The following MROH2B variants were observed in gnomAD, a reference collection of about 807,000 sequenced individuals.
MROH2B encodes the protein maestro heat-like repeat-containing protein family member 2B.
MROH2B carries 177 observed loss-of-function variants against 208.6 expected under a neutral mutation model. The ratio of observed to expected loss-of-function variants is 0.85; its 90% confidence interval spans 0.75 to 0.96. The LOEUF (loss-of-function observed/expected upper bound fraction) is 0.96, where lower values mean the gene tolerates loss of function less well. Ranked by LOEUF, MROH2B falls within the 40% of genes least tolerant of loss-of-function variation. The pLI is 0.00. For missense variants in MROH2B, 2,002 were observed against 1,878.7 expected (o/e 1.07, Z -1.21); for synonymous variants, 728 against 659.0 (o/e 1.10, Z -1.60).
At position 41,032,758 on chromosome 5, in the gene MROH2B, C is replaced by T. The variant is rs775065423; in HGVS notation, c.2425G>A (p.Ala809Thr). The change falls in exon 24 of 42, where the codon GCC (alanine) becomes ACC (threonine). Residue 809 changes from alanine to threonine, a missense_variant. Ala to Thr is a moderately conservative substitution (Grantham distance 58). Transcript: ENST00000399564. ...ASPIRWKALI[A>T]IRYLSKLKPQ... ...ATTATCTACCTGAGATACCTAATGG[C>T]GATTAAGGCTTTCCACCGAATAGGG... is the stretch of plus-strand genomic sequence containing the variant. The T allele has an allele frequency of 9.7e-5, 156 of 1,612,096 alleles. No individual in the cohort carries two copies. The highest frequency in any genetic ancestry group is 3.3e-4 in the Middle Eastern group (2 of 6,074).
At chr5:41,041,425 G>A (rs551752043) in intron 19 of MROH2B, among the ~76,000 whole-genome samples, 89 of 152,192 alleles carry the variant, frequency 5.8e-4, no homozygotes, top group African/African-American at 2.1e-3. Context: ...TCAGGAGTTC[G>A]AGACCAGCCT....
chr5:41,041,917 G>C (rs80082720), intron 19 of MROH2B, among the ~76,000 whole-genome samples, 175 bp downstream of exon 19: 7,611 of 152,196 alleles, frequency 0.05, 219 homozygotes, highest in Middle Eastern at 0.075. Flanking sequence ...ATGAAGTATT[G>C]ATTTTAAATA....
chr5:41,066,518 C>T (rs887733345), intron 3 of MROH2B, among the ~76,000 whole-genome samples: 9 of 152,198 alleles, frequency 5.9e-5, no homozygotes, highest in African/African-American at 2.2e-4. Flanking sequence ...GATAAGACAC[C>T]AAAGGGCTGT....
At chr5:41,056,566 C>A (rs890365824) in intron 9 of MROH2B, among the ~76,000 whole-genome samples, 4 of 151,878 alleles carry the variant, frequency 2.6e-5, no homozygotes, top group Non-Finnish European at 4.4e-5. Flanking sequence ...TGTATTCTGA[C>A]CCTGGGATTT....
At chr5:41,052,063 T>C (rs1056566056) in intron 12 of MROH2B, among the ~76,000 whole-genome samples, 1 of 152,208 alleles carries the variant, frequency 6.6e-6, no homozygotes, top group South Asian at 2.1e-4. Context: ...GCAGCAAGAA[T>C]TGATATCTCT....
intron 24 of MROH2B, among the ~76,000 whole-genome samples, chr5:41,021,120 A>G (rs1013363654): frequency 4.6e-5 from 7 of 152,252 alleles, no homozygotes; most frequent in Non-Finnish European, 1.0e-4. Flanking sequence ...TCAACCTACC[A>G]AAATCTGTTG....
chr5:41,013,784 C>T (rs762449327), intron 29 of MROH2B, among the ~76,000 whole-genome samples: 5 of 152,148 alleles, frequency 3.3e-5, no homozygotes, highest in South Asian at 2.1e-4. Context: ...TATTATGTGT[C>T]GGGCACCTTT....
intron 11 of MROH2B, among the ~76,000 whole-genome samples, chr5:41,054,453 T>C (rs759709036): frequency 6.6e-6 from 1 of 152,236 alleles, no homozygotes; most frequent in African/African-American, 2.4e-5. Flanking sequence ...TTAAACTATT[T>C]GAAGTGCATT....
In MROH2B at chr5:41,014,367, CA is replaced by C. The variant is rs374544169; in HGVS notation, c.2982+1013del. ...GTTCCAAACACTGCATGTTCTCACT[CA>C]TAGGTGGGAATTGAACAATGAGAAC... On this transcript the variant is annotated intron_variant, in intron 29 of 41. Coordinates refer to ENST00000399564, the MANE Select transcript of MROH2B (RefSeq NM_173489.5). 4.3e-4 allele frequency among the ~76,000 whole-genome samples: 66 copies of C among 152,158 alleles called. 1 individual carries two copies. Among genetic ancestry groups the C allele is most frequent in the African/African-American group, 1.5e-3 (62 of 41,494 alleles).
chr5:41,009,904 A>G lies in MROH2B; in HGVS notation c.3293+18T>C. 3.8e-6 allele frequency: 6 copies of G among 1,597,628 alleles called. No homozygotes were observed. The highest frequency in any genetic ancestry group is 1.7e-4 in the Middle Eastern group (1 of 5,972). The stretch of plus-strand genomic sequence containing the variant: ...GTGGCCTTCCCTAGGAGAAGGAATC[A>G]GTTCAATAAGGATCTACCTGTCAAA... On this transcript the variant is annotated intron_variant, in intron 31 of 41. Transcript: ENST00000399564.
chr5:41,012,790 ATACT>A, intron 29 of MROH2B, 55 bp from the exon 30 acceptor site: 3 of 1,599,756 alleles, frequency 1.9e-6, no homozygotes, highest in South Asian at 2.3e-5. Flanking sequence ...TTATATCTAG[ATACT>A]TACAACATGC....
intron 9 of MROH2B, among the ~76,000 whole-genome samples, chr5:41,056,248 C>A (rs892809521): frequency 6.6e-6 from 1 of 152,070 alleles, no homozygotes; most frequent in Non-Finnish European, 1.5e-5. Context: ...AGTGATGCTT[C>A]CTCTGCTGTG....
intron 18 of MROH2B, among the ~76,000 whole-genome samples, chr5:41,042,637 C>T (rs538020411): frequency 3.3e-5 from 5 of 151,932 alleles, no homozygotes; most frequent in South Asian, 2.1e-4. Context: ...GGGGTCTCAC[C>T]CTGTTTGCCC....
At chr5:41,021,318 T>C (rs2111884168) in intron 24 of MROH2B, among the ~76,000 whole-genome samples, 1 of 152,366 alleles carries the variant, frequency 6.6e-6, no homozygotes, top group Admixed American at 6.5e-5. Context: ...ACATCCTTTG[T>C]TCACGAATTA....
At chr5:41,020,626 T>C (rs1047241217) in intron 24 of MROH2B, among the ~76,000 whole-genome samples, 2 of 150,904 alleles carry the variant, frequency 1.3e-5, no homozygotes, top group African/African-American at 4.8e-5. Context: ...CTATCAACTA[T>C]CATACTTAAA....
At position 41,012,599 on chromosome 5, in the gene MROH2B, GCTCCCTGCTGC is replaced by G. The variant is rs763906368; in HGVS notation, c.3108_3118del (p.Lys1036AsnfsTer58). 95 of 1,612,412 alleles carry G rather than the reference GCTCCCTGCTGC, an allele frequency of 5.9e-5. No individual in the cohort carries two copies. The highest frequency in any genetic ancestry group is 8.0e-5 in the African/African-American group (6 of 74,852). ...TCAGTTCACCTGATCTTCCAGAGCA[GCTCCCTGCTGC>G]TTCAGGACAGTGATCATCCATATGC... On this transcript the variant is annotated frameshift_variant, in exon 30 of 42. Coordinates refer to ENST00000399564, the MANE Select transcript of MROH2B (RefSeq NM_173489.5). LOFTEE classifies it high-confidence loss of function.
At chr5:41,058,280 T>C in intron 6 of MROH2B, 77 bp from the exon 7 acceptor site, 2 of 1,360,350 alleles carry the variant, frequency 1.5e-6, no homozygotes, top group South Asian at 3.9e-5. Flanking sequence ...CCAGGAGCTT[T>C]AGGTACTCCT....
chr5:41,024,865 C>A (rs1232556608), intron 24 of MROH2B, among the ~76,000 whole-genome samples: 1 of 152,178 alleles, frequency 6.6e-6, no homozygotes, highest in African/African-American at 2.4e-5. Flanking sequence ...CAAACTAGAA[C>A]TCAGGATTAA....
intron 33 of MROH2B, 41 bp from the exon 34 acceptor site, chr5:41,007,495 T>C: frequency 7.0e-7 from 1 of 1,430,050 alleles, no homozygotes; most frequent in African/African-American, 1.4e-5. Context: ...AGTTGACCCT[T>C]ATAGGGAATT....
Sources: gnomAD v4.1 joint callset for allele counts (sites outside exome capture counted in the v4.1 genomes callset) on GRCh38, gnomAD v4.1.1 for gene constraint, MANE v1.5 for transcripts, NCBI Gene and HGNC (gene_info 2026-07-23, HGNC 2026-07-21) for gene names.